Variants in TLK1 observed in about 807,000 individuals in gnomAD.
TLK1 encodes tousled like kinase 1, also known as serine/threonine-protein kinase tousled-like 1.
In TLK1, 24 loss-of-function variants were observed where a neutral mutation model predicts 105.3. That is an observed-to-expected ratio of 0.23 (90% CI 0.17 to 0.32). The LOEUF is 0.32. TLK1 is among the 10% of genes least tolerant of loss of function. The pLI, the probability that TLK1 is intolerant of heterozygous loss-of-function variation, is 1.00. For missense variants in TLK1, 558 were observed against 910.5 expected, an observed-to-expected ratio of 0.61 and a Z score of 4.98; for synonymous variants, 321 against 310.4, an observed-to-expected ratio of 1.03 and a Z score of -0.36.
chr2:171,058,464 G>A (rs2555920), intron 4 of TLK1, among the ~76,000 whole-genome samples: 6,330 of 152,068 alleles, frequency 0.042, 388 homozygotes, highest in African/African-American at 0.13. Context: ...AAAAAGTAGC[G>A]ACTGCATCAC....
rs550144397 is a variant in TLK1 at position 171,160,257 on chromosome 2, C to A, written c.139+33G>T. 19 of 1,456,880 alleles carry A rather than the reference C, an allele frequency of 1.3e-5. No homozygotes were observed. Among genetic ancestry groups the A allele is most frequent in the South Asian group, 5.7e-5 (4 of 70,562 alleles). 90.2% of individuals were successfully genotyped at this position (1,456,880 alleles called of 1,614,324 possible). ...GGGGTCCGCGGCGCGGGAGAGGAGG[C>A]CCGCGAGCGGGCGCGGGCGCGGCGG... On this transcript the variant is annotated intron_variant, in intron 1 of 20. Transcript: ENST00000431350. The surrounding 1 kb of genome is among the most constrained non-coding windows in gnomAD (Gnocchi z 4.4).
chr2:171,135,016 A>T (rs1038095523), intron 1 of TLK1, among the ~76,000 whole-genome samples: 1 of 152,288 alleles, frequency 6.6e-6, no homozygotes, highest in Non-Finnish European at 1.5e-5. Flanking sequence ...TCTCACTTAC[A>T]TGTGGAATCT....
In TLK1 at chr2:171,011,451, G is replaced by A; in HGVS notation, c.1338C>T (p.Phe446=). 6.2e-7 allele frequency: 1 copy of A among 1,610,958 alleles called. No individual in the cohort carries two copies. Among genetic ancestry groups the A allele is most frequent in the Non-Finnish European group, 8.5e-7 (1 of 1,178,768 alleles). Residue 446 remains phenylalanine (F), a synonymous_variant, in exon 14 of 21, where the codon TTC becomes TTT. Coordinates refer to ENST00000431350, the MANE Select transcript of TLK1 (RefSeq NM_012290.5). The stretch of plus-strand genomic sequence containing the variant: ...TTTCATTTAATGTTGGGTGATCTTT[G>A]AACCTTAGAGGTGGGGGCAAAAAAC... ...KRINNEDNSQ[F]KDHPTLNERY... is the part of the protein sequence containing the mutation.
intron 3 of TLK1, among the ~76,000 whole-genome samples, chr2:171,070,301 AGTTT>A (rs1439272674): frequency 6.7e-6 from 1 of 148,970 alleles, no homozygotes; most frequent in Non-Finnish European, 1.5e-5. Context: ...ATCCACTTAT[AGTTT>A]TTTTTTAAAT....
intron 1 of TLK1, among the ~76,000 whole-genome samples, chr2:171,201,489 C>T (rs1350446775): frequency 2.0e-5 from 3 of 152,166 alleles, no homozygotes; most frequent in Admixed American, 2.0e-4. Flanking sequence ...AGCCACTCAA[C>T]TAGGAAATCC....
chr2:171,028,495 T>A, intron 11 of TLK1, 90 bp from the exon 12 acceptor site: 1 of 889,662 alleles, frequency 1.1e-6, no homozygotes, highest in Non-Finnish European at 1.8e-6. Context: ...GTGGAAATAC[T>A]AAAATGTGGA....
chr2:171,068,960 T>A (rs1440326051), intron 3 of TLK1, among the ~76,000 whole-genome samples: 6 of 152,188 alleles, frequency 3.9e-5, no homozygotes, highest in Non-Finnish European at 8.8e-5. Context: ...AACTAAAGAA[T>A]AAAATTCTGA....
At chr2:171,212,416 A>G (rs1693635247) in intron 1 of TLK1, among the ~76,000 whole-genome samples, 1 of 151,938 alleles carries the variant, frequency 6.6e-6, no homozygotes, top group South Asian at 2.1e-4. Flanking sequence ...ATATCTGGTA[A>G]TAGGTCCTTG....
rs1046384406 is a variant in TLK1, at chr2:170,992,364, G to C, written c.*1416C>G. On this transcript the variant is annotated 3_prime_UTR_variant, in exon 21 of 21. Coordinates refer to ENST00000431350, the MANE Select transcript of TLK1 (RefSeq NM_012290.5). ...TTTCTGCAACATGAACAACTTACAT[G>C]TAAGTATCAGCATTATGAATGTGAC... 1 of 152,412 alleles carries C rather than the reference G, an allele frequency of 6.6e-6. No homozygotes were observed. The highest frequency in any genetic ancestry group is 2.4e-5 in the African/African-American group (1 of 41,438). 9.4% of individuals were successfully genotyped at this position (152,412 alleles called of 1,614,324 possible). A position where few individuals can be genotyped will look rare whatever the true frequency, so the allele number is the denominator to read the frequency against.
chr2:171,219,596 C>T (rs1693771608), intron 1 of TLK1, among the ~76,000 whole-genome samples: 1 of 151,408 alleles, frequency 6.6e-6, no homozygotes, highest in Non-Finnish European at 1.5e-5. Flanking sequence ...TGGGGTCCCT[C>T]CCCCCACCTT....
chr2:171,060,989 T>C (rs1687723199), intron 4 of TLK1, 92 bp downstream of exon 4: 1 of 1,267,068 alleles, frequency 7.9e-7, no homozygotes, highest in African/African-American at 1.5e-5. Flanking sequence ...CAACTTCATA[T>C]TATTTTACAA....
intron 1 of TLK1, 59 bp from the exon 2 acceptor site, chr2:171,117,916 CACACACAAA>C: frequency 9.3e-7 from 1 of 1,073,812 alleles, no homozygotes. Flanking sequence ...TTTATACTTA[CACACACAAA>C]TATATATATG....
chr2:171,095,145 A>C (rs190413813), intron 2 of TLK1, among the ~76,000 whole-genome samples: 21 of 152,334 alleles, frequency 1.4e-4, no homozygotes, highest in African/African-American at 4.8e-4. Context: ...CTTACAGGGA[A>C]AACTGTAACT....
chr2:171,091,380 A>C (rs1689223312), intron 2 of TLK1, among the ~76,000 whole-genome samples: 1 of 152,218 alleles, frequency 6.6e-6, no homozygotes. Context: ...ATCCCTAAAA[A>C]GCATTAACTG....
rs1231370381 is a variant in TLK1, at chr2:170,992,788, A to C, written c.*992T>G. On this transcript the variant is annotated 3_prime_UTR_variant, in exon 21 of 21. Transcript: ENST00000431350. ...AGCAGCAATTAGAGTGCCTTCAAGA[A>C]GACTTAAAAAAAATACAATATCCAA... 2.0e-5 allele frequency: 3 copies of C among 152,638 alleles called. No homozygotes were observed. The highest frequency in any genetic ancestry group is 4.1e-4 in the South Asian group (2 of 4,826). The allele number at this position is 152,638 out of a possible 1,614,324, so 9.5% of individuals were successfully genotyped here. A position where few individuals can be genotyped will look rare whatever the true frequency, so the allele number is the denominator to read the frequency against.
chr2:171,015,415 AACACACACACACACACACACACAC>A (rs56238853), intron 12 of TLK1, among the ~76,000 whole-genome samples: 16 of 132,638 alleles, frequency 1.2e-4, no homozygotes, highest in Admixed American at 1.1e-3. Context: ...TTGGAGTACA[AACACACACACACACACACACACAC>A]ACACACACAC....
At chr2:171,165,777 G>GAGAGTAGTTATAACTCCTA (rs1356408381), upstream of TLK1, among the ~76,000 whole-genome samples, 2 of 152,180 alleles carry the variant, frequency 1.3e-5, no homozygotes, top group African/African-American at 2.4e-5. Context: ...CAGGCATGGT[G>GAGAGTAGTTATAACTCCTA]GCGCACACCT....
At chr2:171,209,072 G>C (rs918106818) in intron 1 of TLK1, among the ~76,000 whole-genome samples, 1 of 152,194 alleles carries the variant, frequency 6.6e-6, no homozygotes, top group Non-Finnish European at 1.5e-5. Context: ...AGCTCTTTAT[G>C]TACTGATAAT....
chr2:171,087,273 C>A (rs529185609), intron 2 of TLK1, among the ~76,000 whole-genome samples: 1 of 152,052 alleles, frequency 6.6e-6, no homozygotes, highest in Non-Finnish European at 1.5e-5. Context: ...GTAGCTCAAA[C>A]GACAAGATTG....
Sources: allele counts gnomAD v4.1 joint callset (sites outside exome capture counted in the v4.1 genomes callset), GRCh38; gene constraint gnomAD v4.1.1; non-coding constraint Gnocchi (gnomAD v3.1); transcripts MANE v1.5; gene names NCBI Gene and HGNC (gene_info 2026-07-23, HGNC 2026-07-21).